Variants in EFCAB13 observed in about 807,000 individuals in gnomAD.
The protein encoded by EFCAB13 is EF-hand calcium-binding domain-containing protein 13.
In EFCAB13, 91 loss-of-function variants were observed where a neutral mutation model predicts 110.2. The observed-to-expected ratio is 0.83, with a 90% CI of 0.70 to 0.98. EFCAB13 has a LOEUF of 0.98. Ranked by LOEUF, EFCAB13 falls within the 50% of genes least tolerant of loss-of-function variation. The probability of loss-of-function intolerance (pLI) is 0.00; values close to 1 mark genes in which losing one functional copy is unlikely to be tolerated. For synonymous variants in EFCAB13, 323 were observed against 369.9 expected, an observed-to-expected ratio of 0.87 and a Z score of 1.45; for missense variants, 968 against 1,119.4, an observed-to-expected ratio of 0.86 and a Z score of 1.93.
At chr17:47,385,895 G>T (rs1038904220) in intron 14 of EFCAB13, among the ~76,000 whole-genome samples, 1 of 152,160 alleles carries the variant, frequency 6.6e-6, no homozygotes, top group African/African-American at 2.4e-5. Context: ...GTCTTCTGCA[G>T]GTCTGCTGCA....
chr17:47,394,136 C>T (rs771292592), intron 16 of EFCAB13, 37 bp downstream of exon 16: 11 of 1,338,448 alleles, frequency 8.2e-6, no homozygotes, highest in African/African-American at 1.5e-5. Context: ...TTTTTGTGGA[C>T]CAAATAGTTT....
intron 4 of EFCAB13, chr17:47,328,672 G>C (rs2065301945): frequency 3.3e-6 from 1 of 301,974 alleles, no homozygotes; most frequent in South Asian, 1.1e-4. Flanking sequence ...ACTTACATGA[G>C]AGGTTGTAGA....
intron 4 of EFCAB13, among the ~76,000 whole-genome samples, chr17:47,334,774 G>T (rs777930565): frequency 1.5e-4 from 23 of 152,062 alleles, no homozygotes; most frequent in Non-Finnish European, 2.9e-4. Context: ...AATTAGCCAC[G>T]CATGATGGTG....
At chr17:47,405,459 G>A (rs967534498) in intron 20 of EFCAB13, among the ~76,000 whole-genome samples, 3 of 152,016 alleles carry the variant, frequency 2.0e-5, no homozygotes, top group African/African-American at 7.2e-5. Context: ...AATTCTGATA[G>A]GAGCATTAAT....
intron 23 of EFCAB13, 83 bp downstream of exon 23, chr17:47,415,002 G>A (rs979918916): frequency 3.1e-6 from 3 of 965,224 alleles, no homozygotes; most frequent in Non-Finnish European, 3.1e-6. Context: ...GTCCAACAGT[G>A]ATAGACTGGA....
chr17:47,404,151 T>C, intron 19 of EFCAB13, 130 bp downstream of exon 19: 1 of 758,022 alleles, frequency 1.3e-6, no homozygotes, highest in Non-Finnish European at 2.0e-6. Context: ...CTTAATTTCC[T>C]CTTTTGCAGT....
At chr17:47,335,119 A>G (rs1280204006) in intron 4 of EFCAB13, 77 bp from the exon 5 acceptor site, 4 of 1,390,232 alleles carry the variant, frequency 2.9e-6, no homozygotes, top group East Asian at 2.4e-5. Context: ...TCTAAAATGA[A>G]TGATTGACCC....
chr17:47,375,373 C>G (rs1280548138), intron 12 of EFCAB13, among the ~76,000 whole-genome samples: 4 of 152,078 alleles, frequency 2.6e-5, no homozygotes, highest in South Asian at 4.1e-4. Flanking sequence ...TCACTGCAGC[C>G]TCGACCTTTT....
chr17:47,411,145 A>G (rs1012600553), intron 21 of EFCAB13, among the ~76,000 whole-genome samples: 3 of 152,122 alleles, frequency 2.0e-5, no homozygotes, highest in East Asian at 3.8e-4. Flanking sequence ...ATTGTTCCAA[A>G]TCTTTTGTTG....
chr17:47,361,153 G>T (rs2065510294), intron 9 of EFCAB13, among the ~76,000 whole-genome samples: 1 of 152,124 alleles, frequency 6.6e-6, no homozygotes, highest in South Asian at 2.1e-4. Flanking sequence ...ATGTGCTAAG[G>T]ATTGTTAACA....
chr17:47,351,298 T>C (rs1014656477), intron 9 of EFCAB13, among the ~76,000 whole-genome samples: 2 of 130,312 alleles, frequency 1.5e-5, no homozygotes, highest in African/African-American at 2.7e-5. Context: ...TGTGTGTGTG[T>C]GTGTGTGCGC....
chr17:47,335,348 T>TA lies in EFCAB13; in HGVS notation c.190dup (p.Ile64AsnfsTer3), dbSNP rs995188950. 2.5e-6 allele frequency: 4 copies of TA among 1,582,636 alleles called. No individual in the cohort carries two copies. The highest frequency in any genetic ancestry group is 2.7e-5 in the African/African-American group (2 of 72,790). On this transcript the variant is annotated frameshift_variant, in exon 5 of 25. Coordinates refer to ENST00000331493, the MANE Select transcript of EFCAB13 (RefSeq NM_152347.5). LOFTEE classifies it high-confidence loss of function. ...AAATTAGGAGTTTGAGCCCAGAATA[T>TA]AAAAAAATGTAAGTTAAAAACTCTG... is the stretch of plus-strand genomic sequence containing the variant.
intron 2 of EFCAB13, among the ~76,000 whole-genome samples, chr17:47,325,941 T>TATAAACAAA (rs2143202248): frequency 3.2e-5 from 2 of 61,912 alleles, no homozygotes; most frequent in East Asian, 9.9e-4. Context: ...TATATATATA[T>TATAAACAAA]ATATATATAT....
At chr17:47,422,219 CAT>C (rs1365224049) in intron 23 of EFCAB13, among the ~76,000 whole-genome samples, 2 of 152,062 alleles carry the variant, frequency 1.3e-5, no homozygotes, top group Admixed American at 6.5e-5. Context: ...ATGTAGAAAA[CAT>C]ATTTGATCAA....
chr17:47,351,332 G>A lies in EFCAB13; in HGVS notation c.661+3381G>A, dbSNP rs544345675. On this transcript the variant is annotated intron_variant, in intron 9 of 24. Transcript: ENST00000331493. ...GCGCGCGCGCGCGCGCGCGCGCCAC[G>A]TTTTCTTTATCCAGTCATCCATTGA... is the stretch of plus-strand genomic sequence containing the variant. 4.3e-3 allele frequency among the ~76,000 whole-genome samples: 282 copies of A among 65,922 alleles called. 1 individual carries two copies. The highest frequency in any genetic ancestry group is 6.7e-3 in the Non-Finnish European group (217 of 32,174). The allele number at this position is 65,922 out of a possible 152,430, so 43.2% of individuals were successfully genotyped here.
At chr17:47,343,013 A>G (rs1177514210) in intron 6 of EFCAB13, among the ~76,000 whole-genome samples, 1 of 152,042 alleles carries the variant, frequency 6.6e-6, no homozygotes, top group Non-Finnish European at 1.5e-5. Flanking sequence ...CTCATATTCT[A>G]TAGTTATTTC....
rs770203388 is a variant in EFCAB13 at position 47,404,543 on chromosome 17, C to T, written c.2162-19C>T. 1.9e-6 allele frequency: 3 copies of T among 1,603,314 alleles called. No individual in the cohort carries two copies. The highest frequency in any genetic ancestry group is 1.3e-5 in the African/African-American group (1 of 74,416). On this transcript the variant is annotated intron_variant, in intron 19 of 24. Transcript: ENST00000331493. ...TTGTCTAGGGGTTCTTGTTTGTCAT[C>T]TCTCTCTTTTCCTTGCAGAAGATAA...
intron 11 of EFCAB13, among the ~76,000 whole-genome samples, chr17:47,373,901 T>C (rs1177049816): frequency 6.6e-6 from 1 of 152,126 alleles, no homozygotes; most frequent in African/African-American, 2.4e-5. Context: ...TGAAATACTT[T>C]AAAATGTGTT....
At chr17:47,357,161 C>T (rs992404268) in intron 9 of EFCAB13, among the ~76,000 whole-genome samples, 6 of 152,142 alleles carry the variant, frequency 3.9e-5, no homozygotes, top group Non-Finnish European at 8.8e-5. Context: ...ACAAGCCTCC[C>T]CACTGAGAAA....
Sources: gnomAD v4.1 joint callset for allele counts (sites outside exome capture counted in the v4.1 genomes callset) on GRCh38, gnomAD v4.1.1 for gene constraint, MANE v1.5 for transcripts, NCBI Gene and HGNC (gene_info 2026-07-23, HGNC 2026-07-21) for gene names.